The following ESCO1 variants were observed in gnomAD, a reference collection of about 807,000 sequenced individuals.
ESCO1 encodes the protein establishment of sister chromatid cohesion N-acetyltransferase 1, also known as N-acetyltransferase ESCO1.
Under a neutral mutation model 83.5 loss-of-function variants are expected in ESCO1, and 33 were observed. The ratio of observed to expected loss-of-function variants is 0.40; its 90% CI spans 0.30 to 0.53. The LOEUF (loss-of-function observed/expected upper bound fraction) is 0.53. Among genes scored for constraint, ESCO1 ranks in the 20% least tolerant of loss-of-function variants. The pLI, the probability that ESCO1 is intolerant of heterozygous loss-of-function variation, is 0.63. For missense variants in ESCO1, 855 were observed against 968.0 expected, an observed-to-expected ratio of 0.88 and a Z score of 1.55; for synonymous variants, 332 against 324.3, an observed-to-expected ratio of 1.02 and a Z score of -0.25.
chr18:21,579,326 C>T (rs1212595428), intron 2 of ESCO1, among the ~76,000 whole-genome samples: 1 of 152,012 alleles, frequency 6.6e-6, no homozygotes, highest in Admixed American at 6.6e-5. Flanking sequence ...AGCATGGTGG[C>T]ACGCGCCTGT....
chr18:21,559,276 A>G (rs2038152551), intron 8 of ESCO1, among the ~76,000 whole-genome samples: 1 of 152,240 alleles, frequency 6.6e-6, no homozygotes, highest in Non-Finnish European at 1.5e-5. Flanking sequence ...GCTCTGTCCC[A>G]TCAAGGGGGG....
chr18:21,600,548 G>C (rs1377898614), intron 1 of ESCO1, 75 bp downstream of exon 1: 1 of 152,406 alleles, frequency 6.6e-6, no homozygotes, highest in Non-Finnish European at 1.5e-5. Context: ...AGGGAGAACT[G>C]TCCGCTCCCT....
At chr18:21,563,906 G>A (rs1334615150) in intron 7 of ESCO1, among the ~76,000 whole-genome samples, 3 of 123,806 alleles carry the variant, frequency 2.4e-5, no homozygotes, top group South Asian at 5.7e-4. Flanking sequence ...CCTCCTGCTG[G>A]GGTGAGCAGG....
chr18:21,530,168 C>G lies in ESCO1; in HGVS notation c.*175G>C, dbSNP rs2037748467. 2.3e-6 allele frequency: 1 copy of G among 434,162 alleles called. No homozygotes were observed. Among genetic ancestry groups the G allele is most frequent in the South Asian group, 1.1e-4 (1 of 8,986 alleles). The allele number at this position is 434,162 out of a possible 1,614,324, so 26.9% of individuals were successfully genotyped here. A position where few individuals can be genotyped will look rare whatever the true frequency, so the allele number is the denominator to read the frequency against. ...ATAATAAAATATCTTCTTTAAAAAA[C>G]AAAACAATAAGCTATTACTGCATTG... On this transcript the variant is annotated 3_prime_UTR_variant, in exon 12 of 12. Coordinates refer to ENST00000269214, the MANE Select transcript of ESCO1 (RefSeq NM_052911.3).
At chr18:21,566,283 C>A in intron 5 of ESCO1, 77 bp from the exon 6 acceptor site, 2 of 1,360,218 alleles carry the variant, frequency 1.5e-6, no homozygotes, top group Admixed American at 2.2e-5. Context: ...AATCATTATA[C>A]ATAAAGAAAA....
intron 8 of ESCO1, among the ~76,000 whole-genome samples, chr18:21,560,292 T>C (rs1040164567): frequency 1.3e-4 from 20 of 150,888 alleles, no homozygotes; most frequent in African/African-American, 4.6e-4. Context: ...TTAAAAAATA[T>C]ATTTTGTACT....
In ESCO1 at chr18:21,573,714, A is replaced by G. The variant is rs2146210582; in HGVS notation, c.1130T>C (p.Ile377Thr). The G allele has an allele frequency of 6.2e-7, 1 of 1,614,120 alleles. No individual in the cohort carries two copies. The highest frequency in any genetic ancestry group is 1.6e-4 in the Middle Eastern group (1 of 6,062). ...GGCTGAGCTGTTTATTCCATTTAGT[A>G]TACATTTCACAGGCTTTGTTTTTCT... Reference protein sequence around the residue: ...PSRKTKPVKCILNGINSSAKK... With the variant: ...PSRKTKPVKCTLNGINSSAKK... Residue 377 changes from isoleucine to threonine, a missense_variant, in exon 4 of 12, where the codon ATA (isoleucine) becomes ACA (threonine). Ile to Thr is a moderately conservative substitution (Grantham distance 89). Around this residue, in one of 2 missense-constraint regions of ESCO1, gnomAD observed 726 missense variants for 699.5 expected, o/e 1.04. Coordinates refer to ENST00000269214, the MANE Select transcript of ESCO1 (RefSeq NM_052911.3).
intron 2 of ESCO1, among the ~76,000 whole-genome samples, chr18:21,582,989 C>T (rs1221883136): frequency 6.6e-6 from 1 of 151,800 alleles, no homozygotes; most frequent in Non-Finnish European, 1.5e-5. Context: ...GTCAGGAGTT[C>T]GAGACCAGGC....
chr18:21,563,632 G>T (rs142414301), intron 7 of ESCO1, among the ~76,000 whole-genome samples: 2 of 152,326 alleles, frequency 1.3e-5, no homozygotes, highest in East Asian at 3.9e-4. Context: ...ATAGGCATGA[G>T]CCACTGCACC....
chr18:21,530,536 TA>T (rs559851098), intron 11 of ESCO1, 46 bp from the exon 12 acceptor site: 88,797 of 876,576 alleles, frequency 0.1, 25 homozygotes, highest in South Asian at 0.14. Flanking sequence ...TGTGAAATGT[TA>T]AAAAAAAAAA....
intron 8 of ESCO1, among the ~76,000 whole-genome samples, chr18:21,558,550 G>C (rs1272504758): frequency 6.6e-6 from 1 of 151,990 alleles, no homozygotes; most frequent in Non-Finnish European, 1.5e-5. Context: ...CCAATACAGT[G>C]AAACTCCATC....
At chr18:21,595,091 C>T (rs966903758) in intron 1 of ESCO1, among the ~76,000 whole-genome samples, 3 of 151,852 alleles carry the variant, frequency 2.0e-5, no homozygotes, top group Admixed American at 6.6e-5. Context: ...AAGCGATCCA[C>T]CTGCCTCGGC....
chr18:21,573,506 T>C lies in ESCO1; in HGVS notation c.1338A>G (p.Arg446=). 1 of 1,612,910 alleles carries C rather than the reference T, an allele frequency of 6.2e-7. No homozygotes were observed. The highest frequency in any genetic ancestry group is 1.1e-5 in the South Asian group (1 of 90,644). Residue 446 remains arginine, a synonymous_variant, in exon 4 of 12, where the codon AGA becomes AGG. Transcript: ENST00000269214. ...TTTTTTCCTGCTGGCAAGTTATATT[T>C]CTATCATGTAGCTTTGTCCCTAAAA... ...STFLGTKLHD[R]NITCQQEKMK...
chr18:21,587,605 G>A (rs1464583737), intron 1 of ESCO1, among the ~76,000 whole-genome samples: 1 of 151,634 alleles, frequency 6.6e-6, no homozygotes, highest in Non-Finnish European at 1.5e-5. Context: ...TCCTTATTTT[G>A]GTAATTTGAG....
At chr18:21,586,456 T>C (rs1178319966) in intron 1 of ESCO1, among the ~76,000 whole-genome samples, 1 of 152,236 alleles carries the variant, frequency 6.6e-6, no homozygotes, top group Non-Finnish European at 1.5e-5. Flanking sequence ...TCTTGCCTAT[T>C]GTGAACAGTG....
chr18:21,545,187 A>G (rs28666428), intron 8 of ESCO1, among the ~76,000 whole-genome samples: 3,182 of 152,266 alleles, frequency 0.021, 118 homozygotes, highest in African/African-American at 0.072. Context: ...CTCCCACCTC[A>G]GCCTCCTTAA....
intron 8 of ESCO1, among the ~76,000 whole-genome samples, chr18:21,557,510 T>G (rs1010942210): frequency 3.9e-5 from 6 of 152,236 alleles, no homozygotes; most frequent in African/African-American, 1.4e-4. Context: ...TAATATTGAT[T>G]TATTGCTTTA....
chr18:21,555,179 C>T (rs1419278344), intron 8 of ESCO1, among the ~76,000 whole-genome samples: 1 of 152,122 alleles, frequency 6.6e-6, no homozygotes, highest in Admixed American at 6.6e-5. Flanking sequence ...AGGCTACATA[C>T]TATATTATTC....
chr18:21,581,710 T>C (rs2038505067), intron 2 of ESCO1, among the ~76,000 whole-genome samples: 1 of 152,134 alleles, frequency 6.6e-6, no homozygotes, highest in East Asian at 1.9e-4. Context: ...TCATTTCAAA[T>C]TAATGAAAAT....
Sources: allele counts gnomAD v4.1 joint callset (sites outside exome capture counted in the v4.1 genomes callset), GRCh38; gene constraint gnomAD v4.1.1; regional missense constraint gnomAD v4.1.1; transcripts MANE v1.5; gene names NCBI Gene and HGNC (gene_info 2026-07-23, HGNC 2026-07-21).